The following ST3GAL1 variants were observed in gnomAD, a reference collection of about 807,000 sequenced individuals.
The protein encoded by ST3GAL1 is CMP-N-acetylneuraminate-beta-galactosamide-alpha-2,3-sialyltransferase 1.
A neutral mutation model predicts 34.1 loss-of-function variants in ST3GAL1; 16 were observed. The ratio of observed to expected loss-of-function variants is 0.47; its 90% CI spans 0.32 to 0.71. The LOEUF is 0.71. Among genes scored for constraint, ST3GAL1 ranks in the 30% least tolerant of loss-of-function variants. The pLI is 0.04. For missense variants in ST3GAL1, 353 were observed against 447.4 expected, an observed-to-expected ratio of 0.79 and a Z score of 1.90; for synonymous variants, 191 against 184.7, an observed-to-expected ratio of 1.03 and a Z score of -0.28.
At chr8:133,514,480 G>A (rs567685914) in intron 2 of ST3GAL1, among the ~76,000 whole-genome samples, 10 of 152,246 alleles carry the variant, frequency 6.6e-5, no homozygotes, top group African/African-American at 2.4e-4. Context: ...GTGAGGGTGG[G>A]CTGGGGTTGC....
At chr8:133,500,205 AG>A (rs568297535) in intron 2 of ST3GAL1, among the ~76,000 whole-genome samples, 73 of 152,306 alleles carry the variant, frequency 4.8e-4, no homozygotes, top group African/African-American at 1.7e-3. Flanking sequence ...AGGGATAAAA[AG>A]AACTTTCTGA....
intron 2 of ST3GAL1, among the ~76,000 whole-genome samples, chr8:133,535,066 T>C (rs1398856293): frequency 2.0e-5 from 3 of 151,928 alleles, no homozygotes; most frequent in Admixed American, 6.6e-5. Context: ...CAGCTGAGGA[T>C]GGAGTGGAAA....
At chr8:133,524,973 T>G (rs1817922583) in intron 2 of ST3GAL1, among the ~76,000 whole-genome samples, 1 of 152,250 alleles carries the variant, frequency 6.6e-6, no homozygotes, top group African/African-American at 2.4e-5. Flanking sequence ...TCTTCTCTCC[T>G]TCTTGTCACC....
At chr8:133,507,923 T>C (rs1817392383) in intron 2 of ST3GAL1, among the ~76,000 whole-genome samples, 1 of 152,166 alleles carries the variant, frequency 6.6e-6, no homozygotes, top group Admixed American at 6.5e-5. Flanking sequence ...GCTGTGACTA[T>C]TGGCTGCTGA....
At chr8:133,549,321 G>GAACCCAGGAGGTGGAGGTTGTGGT (rs1210227344) in intron 1 of ST3GAL1, among the ~76,000 whole-genome samples, 2 of 151,740 alleles carry the variant, frequency 1.3e-5, no homozygotes, top group African/African-American at 2.4e-5. Context: ...AGAATCACTA[G>GAACCCAGGAGGTGGAGGTTGTGGT]AACCCAGGAG....
chr8:133,548,852 C>G (rs962636461), intron 1 of ST3GAL1, among the ~76,000 whole-genome samples: 5 of 152,176 alleles, frequency 3.3e-5, no homozygotes, highest in African/African-American at 1.2e-4. Flanking sequence ...ACTCTTACCC[C>G]ACTGGCTATC....
Position 133,465,881 on chromosome 8 carries a change from G to C in ST3GAL1, c.503+13C>G. ...TGCAGCACGGTAGGCTTGGGAGAGG[G>C]TCTGGCACTCACCTGAGGACAAAGT... On this transcript the variant is annotated intron_variant, in intron 6 of 9. Transcript: ENST00000522652. 6.2e-7 allele frequency: 1 copy of C among 1,611,368 alleles called. No homozygotes were observed. Among genetic ancestry groups the C allele is most frequent in the Non-Finnish European group, 8.5e-7 (1 of 1,178,328 alleles).
chr8:133,541,148 G>GAGAGAC lies in ST3GAL1; in HGVS notation c.-429+4620_-429+4625dup, dbSNP rs1172524795. 1.3e-3 allele frequency among the ~76,000 whole-genome samples: 163 copies of GAGAGAC among 130,122 alleles called. 2 individuals carry two copies. Among genetic ancestry groups the GAGAGAC allele is most frequent in the Middle Eastern group, 8.4e-3 (2 of 238 alleles). The allele number at this position is 130,122 out of a possible 152,430, so 85.4% of individuals were successfully genotyped here. On this transcript the variant is annotated intron_variant, in intron 2 of 9. Coordinates refer to ENST00000522652, the MANE Select transcript of ST3GAL1 (RefSeq NM_173344.3). The stretch of plus-strand genomic sequence containing the variant: ...AGAGAGAGAGAGAGAGAGAGAGAGA[G>GAGAGAC]AGAGACTGTGTGTCTCTCCCTCTTT...
intron 6 of ST3GAL1, among the ~76,000 whole-genome samples, chr8:133,465,329 T>C (rs1253908310): frequency 6.6e-6 from 1 of 151,906 alleles, no homozygotes; most frequent in Non-Finnish European, 1.5e-5. Flanking sequence ...AGGTAAGTGG[T>C]CTAAGGACTA....
At chr8:133,552,650 G>C (rs1408071861) in intron 1 of ST3GAL1, among the ~76,000 whole-genome samples, 2 of 152,164 alleles carry the variant, frequency 1.3e-5, no homozygotes, top group Non-Finnish European at 2.9e-5. Flanking sequence ...GAAGAACTTT[G>C]GGCAGGAAGC....
intron 3 of ST3GAL1, among the ~76,000 whole-genome samples, chr8:133,481,365 T>G (rs1284531292): frequency 6.6e-6 from 1 of 152,250 alleles, no homozygotes. Context: ...AAGATGCTTA[T>G]CAGGGTGACT....
intron 3 of ST3GAL1, among the ~76,000 whole-genome samples, chr8:133,482,377 G>A (rs936068542): frequency 3.9e-5 from 6 of 152,126 alleles, no homozygotes; most frequent in Admixed American, 1.3e-4. Context: ...TGTCACGGGC[G>A]TGGCAAATTC....
rs1195723050 is a variant in ST3GAL1, at chr8:133,497,101, CTG to C, written c.-374+2032_-374+2033del. Among the ~76,000 whole-genome samples, 5 of 152,352 alleles carry C rather than the reference CTG, an allele frequency of 3.3e-5. No homozygotes were observed. In the East Asian group the frequency reaches 9.6e-4, roughly 29 times the overall value. ...CTAATGGCTGTGCCAAGACAGAGGT[CTG>C]TCAGCCACTGCACCCCTACCTGGGC... On this transcript the variant is annotated intron_variant, in intron 3 of 9. Coordinates refer to ENST00000522652, the MANE Select transcript of ST3GAL1 (RefSeq NM_173344.3).
chr8:133,541,096 C>CATATATATATATATATATAT (rs780797700), intron 2 of ST3GAL1, among the ~76,000 whole-genome samples: 10 of 37,202 alleles, frequency 2.7e-4, no homozygotes, highest in African/African-American at 1.5e-3. Context: ...TATATATAAA[C>CATATATATATATATATATAT]ATATATATAT....
At position 133,471,920 on chromosome 8, in the gene ST3GAL1, T is replaced by C. The variant is rs932647611; in HGVS notation, c.306+3799A>G. On this transcript the variant is annotated intron_variant, in intron 5 of 9. Transcript: ENST00000522652. ...GGAGGGTCGCACTCTTTCTGTCCCT[T>C]GAGAATGTCCCCTGCGTATCACAAA... Among the ~76,000 whole-genome samples, 5 of 151,916 alleles carry C rather than the reference T, an allele frequency of 3.3e-5. No individual in the cohort carries two copies. The South Asian group carries it at 8.3e-4, about 25-fold the overall frequency.
intron 3 of ST3GAL1, among the ~76,000 whole-genome samples, chr8:133,482,699 C>T (rs909286): frequency 0.3 from 46,271 of 152,170 alleles, 7,243 homozygotes; most frequent in Admixed American, 0.35. Flanking sequence ...GGATCCTGGC[C>T]GGCTGGCTTC....
rs1663513189 is a variant in ST3GAL1 at position 133,458,629 on chromosome 8, GAAACCAGA to G, written c.*1127_*1134del. ...CGTTGCAATTCAGGTGCTGGCTCAG[GAAACCAGA>G]AAAGATGTTCCCAGCTACGGAGCAA... On this transcript the variant is annotated 3_prime_UTR_variant, in exon 10 of 10. Transcript: ENST00000522652. 1 of 152,222 alleles carries G rather than the reference GAAACCAGA, an allele frequency of 6.6e-6. No homozygotes were observed. Among genetic ancestry groups the G allele is most frequent in the Non-Finnish European group, 1.5e-5 (1 of 68,064 alleles). 9.4% of individuals were successfully genotyped at this position (152,222 alleles called of 1,614,324 possible).
intron 3 of ST3GAL1, among the ~76,000 whole-genome samples, chr8:133,482,635 C>T (rs1816438598): frequency 6.6e-6 from 1 of 152,246 alleles, no homozygotes; most frequent in Non-Finnish European, 1.5e-5. Flanking sequence ...CAATGCAACA[C>T]ATCCGGGGAC....
intron 2 of ST3GAL1, among the ~76,000 whole-genome samples, chr8:133,541,900 T>TA (rs1474568763): frequency 6.6e-6 from 1 of 152,132 alleles, no homozygotes; most frequent in Non-Finnish European, 1.5e-5. Flanking sequence ...GCGGCGTTGA[T>TA]AGTGAGAGTA....
Sources: allele counts gnomAD v4.1 joint callset (sites outside exome capture counted in the v4.1 genomes callset), GRCh38; gene constraint gnomAD v4.1.1; transcripts MANE v1.5; gene names NCBI Gene and HGNC (gene_info 2026-07-23, HGNC 2026-07-21).